Variants in HTR2C observed in about 807,000 individuals in gnomAD.
HTR2C encodes 5-hydroxytryptamine receptor 2C, also known as 5-hydroxytryptamine (serotonin) receptor 2C, G protein-coupled.
HTR2C carries 5 observed loss-of-function variants against 21.0 expected under a neutral mutation model. The observed-to-expected ratio is 0.24, with a 90% CI of 0.12 to 0.50. The LOEUF (loss-of-function observed/expected upper bound fraction) is 0.50, where lower values mean the gene tolerates loss of function less well. HTR2C is among the 20% of genes least tolerant of loss of function. The pLI, the probability that HTR2C is intolerant of heterozygous loss-of-function variation, is 0.98. For synonymous variants in HTR2C, 150 were observed against 145.3 expected, an observed-to-expected ratio of 1.03 and a Z score of -0.23; for missense variants, 271 against 371.2, an observed-to-expected ratio of 0.73 and a Z score of 2.22.
At position 114,726,291 on chromosome X, in the gene HTR2C, G is replaced by A. The variant is rs956186962; in HGVS notation, c.-79-567G>A. Among the ~76,000 whole-genome samples the A allele has an allele frequency of 2.7e-5, 3 of 112,517 alleles. No homozygotes were observed. The Admixed American group carries it at 2.8e-4, about 11-fold the overall frequency. On this transcript the variant is annotated intron_variant, in intron 2 of 5. Transcript: ENST00000276198. ...TGACCCGATTTTCCAGGTGCCGTCT[G>A]TCACCCCTTTGTTTGACTAGGAAAG...
intron 2 of HTR2C, among the ~76,000 whole-genome samples, chrX:114,659,620 A>G (rs1930912576): frequency 9.0e-6 from 1 of 111,398 alleles, no homozygotes; most frequent in Non-Finnish European, 1.9e-5. Context: ...AGAAACAACA[A>G]CTAACTACAA....
chrX:114,645,514 A>C (rs1930330637), intron 2 of HTR2C, among the ~76,000 whole-genome samples: 1 of 111,103 alleles, frequency 9.0e-6, no homozygotes, highest in African/African-American at 3.3e-5. Context: ...AAAATTAGGG[A>C]AGCAAACTGC....
chrX:114,671,483 C>G (rs151098531), intron 2 of HTR2C, among the ~76,000 whole-genome samples: 88 of 111,504 alleles, frequency 7.9e-4, no homozygotes, highest in African/African-American at 2.7e-3. Flanking sequence ...TTGAAAAACT[C>G]ACAAGATTTG....
At chrX:114,888,738 A>C (rs899007145) in intron 5 of HTR2C, among the ~76,000 whole-genome samples, 4 of 111,996 alleles carry the variant, frequency 3.6e-5, no homozygotes, top group African/African-American at 9.7e-5. Flanking sequence ...GACCATTTTC[A>C]GAAAGTTTAA....
intron 5 of HTR2C, among the ~76,000 whole-genome samples, chrX:114,882,481 T>C (rs1357301572): frequency 4.5e-5 from 5 of 111,071 alleles, no homozygotes; most frequent in African/African-American, 1.6e-4. Flanking sequence ...GGGTTTTTCA[T>C]AAACGCCCTT....
At position 114,719,433 on chromosome X, in the gene HTR2C, A is replaced by G. The variant is rs1398182508; in HGVS notation, c.-79-7425A>G. Among the ~76,000 whole-genome samples the G allele has an allele frequency of 2.7e-5, 3 of 111,550 alleles. No homozygotes were observed. In the East Asian group the frequency reaches 8.4e-4, roughly 31 times the overall value. On this transcript the variant is annotated intron_variant, in intron 2 of 5. Transcript: ENST00000276198. ...ACATTTCTTATTGCAAAATATCATC[A>G]TCACAGTGGCCTGGCCATTTGGGGA...
intron 4 of HTR2C, among the ~76,000 whole-genome samples, chrX:114,742,126 A>C (rs1404073066): frequency 9.0e-6 from 1 of 111,700 alleles, no homozygotes; most frequent in African/African-American, 3.3e-5. Context: ...TATGAGCACT[A>C]AAATTTTGAA....
rs782018244 is a variant in HTR2C, at chrX:114,626,224, A to T, written c.-80+12343A>T. ...AAAACCCCATCTCTGCAAAAAAAAA[A>T]AAAAATAATAAAAAATTAGCCAGGC... is the stretch of plus-strand genomic sequence containing the variant. On this transcript the variant is annotated intron_variant, in intron 2 of 5. Transcript: ENST00000276198. Among the ~76,000 whole-genome samples the T allele has an allele frequency of 2.1e-4, 22 of 106,081 alleles. 1 individual carries two copies. Among genetic ancestry groups the T allele is most frequent in the East Asian group, 8.8e-4 (3 of 3,409 alleles). The allele number at this position is 106,081 out of a possible 115,157, so 92.1% of individuals were successfully genotyped here. A position where few individuals can be genotyped will look rare whatever the true frequency, so the allele number is the denominator to read the frequency against.
chrX:114,830,745 T>G (rs1185391434), intron 4 of HTR2C, among the ~76,000 whole-genome samples: 1 of 105,740 alleles, frequency 9.5e-6, no homozygotes, highest in Non-Finnish European at 1.9e-5. Context: ...GTGCACATTG[T>G]GCAGGTTAGT....
intron 2 of HTR2C, among the ~76,000 whole-genome samples, chrX:114,722,882 A>G (rs1405947191): frequency 9.2e-6 from 1 of 108,372 alleles, no homozygotes; most frequent in Non-Finnish European, 1.9e-5. Context: ...ATCATGGTGG[A>G]TAAGCTTTTT....
chrX:114,775,430 C>A lies in HTR2C; in HGVS notation c.349+43823C>A, dbSNP rs1464635957. On this transcript the variant is annotated intron_variant, in intron 4 of 5. Transcript: ENST00000276198. ...GGTTGTCATCCTTGGTCATAGCACA[C>A]TCACCTTCATAAACCTGAATCAGCA... 5.8e-6 allele frequency: 3 copies of A among 518,598 alleles called. No individual in the cohort carries two copies. The African/African-American group carries it at 6.9e-5, about 12-fold the overall frequency. 42.7% of individuals were successfully genotyped at this position (518,598 alleles called of 1,213,427 possible).
chrX:114,585,960 G>T (rs1211573470), intron 1 of HTR2C, among the ~76,000 whole-genome samples: 1 of 110,719 alleles, frequency 9.0e-6, no homozygotes, highest in East Asian at 2.9e-4. Context: ...TAACCTCTGA[G>T]CTCCCCAGTT....
intron 2 of HTR2C, among the ~76,000 whole-genome samples, chrX:114,703,746 C>T (rs964150544): frequency 1.4e-4 from 16 of 110,517 alleles, no homozygotes; most frequent in Non-Finnish European, 1.5e-4. Context: ...CACAAAAAAC[C>T]CTTCAAAAAA....
At chrX:114,821,086 C>T (rs1556456089) in intron 4 of HTR2C, among the ~76,000 whole-genome samples, 1 of 111,365 alleles carries the variant, frequency 9.0e-6, no homozygotes, top group African/African-American at 3.3e-5. Flanking sequence ...TCATTTTCAA[C>T]CTATGATATG....
intron 5 of HTR2C, among the ~76,000 whole-genome samples, chrX:114,886,119 T>A (rs2071218558): frequency 9.0e-6 from 1 of 111,393 alleles, no homozygotes; most frequent in Non-Finnish European, 1.9e-5. Flanking sequence ...CTTTAGTAAA[T>A]TTTTGTTTGG....
chrX:114,883,374 C>G (rs1321736252), intron 5 of HTR2C, among the ~76,000 whole-genome samples: 1 of 110,303 alleles, frequency 9.1e-6, no homozygotes, highest in Non-Finnish European at 1.9e-5. Flanking sequence ...CAAGAGTCAG[C>G]TTTATTTTCA....
chrX:114,709,878 G>A (rs1324713281), intron 2 of HTR2C, among the ~76,000 whole-genome samples: 1 of 111,253 alleles, frequency 9.0e-6, no homozygotes, highest in Non-Finnish European at 1.9e-5. Context: ...TAATTTTGTA[G>A]TCTATGACAT....
intron 2 of HTR2C, among the ~76,000 whole-genome samples, chrX:114,704,292 T>C (rs1391031055): frequency 9.0e-6 from 1 of 111,453 alleles, no homozygotes; most frequent in Non-Finnish European, 1.9e-5. Flanking sequence ...TTGATGAACA[T>C]TGATGCAAAA....
intron 4 of HTR2C, among the ~76,000 whole-genome samples, chrX:114,846,622 A>T (rs782750649): frequency 1.7e-4 from 19 of 112,021 alleles, no homozygotes; most frequent in African/African-American, 5.5e-4. Flanking sequence ...TTTTTATGAT[A>T]AAAAAATGTT....
Sources: allele counts gnomAD v4.1 joint callset (sites outside exome capture counted in the v4.1 genomes callset), GRCh38; gene constraint gnomAD v4.1.1; transcripts MANE v1.5; gene names NCBI Gene and HGNC (gene_info 2026-07-23, HGNC 2026-07-21).